Variants in GAB1 observed in about 807,000 individuals in gnomAD.
GAB1 encodes the protein GRB2 associated binding protein 1.
GAB1 carries 19 observed loss-of-function variants against 66.5 expected under a neutral mutation model. The ratio of observed to expected loss-of-function variants is 0.29; its 90% CI spans 0.20 to 0.42. GAB1 has a LOEUF of 0.42. Ranked by LOEUF, GAB1 falls within the 10% of genes least tolerant of loss-of-function variation. The pLI is 1.00. For missense variants in GAB1, 732 were observed against 858.5 expected (o/e 0.85, Z 1.84); for synonymous variants, 294 against 301.4 (o/e 0.98, Z 0.25).
In GAB1 at chr4:143,440,313, A is replaced by G. The variant is rs1269389517; in HGVS notation, c.1516A>G (p.Arg506Gly). 6.2e-6 allele frequency: 10 copies of G among 1,614,124 alleles called. No homozygotes were observed. Among genetic ancestry groups the G allele is most frequent in the Non-Finnish European group, 6.8e-6 (8 of 1,180,016 alleles). ...GFRSSPKTPPRRPVPVADCEP... is the reference protein window; with the variant it reads ...GFRSSPKTPPGRPVPVADCEP... ...CAGGTCCAGCCCAAAAACCCCTCCC[A>G]GAAGGCCAGTTCCTGTTGCAGACTG... is the stretch of plus-strand genomic sequence containing the variant. Residue 506 changes from arginine to glycine, a missense_variant, in exon 6 of 10, where the codon AGA becomes GGA. Around this residue, in one of 4 missense-constraint regions of GAB1, gnomAD observed 204 missense variants for 276.8 expected, o/e 0.74. Transcript: ENST00000262994.
intron 1 of GAB1, among the ~76,000 whole-genome samples, chr4:143,406,199 T>A (rs1732033280): frequency 6.6e-6 from 1 of 152,222 alleles, no homozygotes. Flanking sequence ...ATTTCAAATA[T>A]TTACTTACAG....
chr4:143,340,874 T>A (rs975668022), intron 1 of GAB1, among the ~76,000 whole-genome samples: 2 of 152,162 alleles, frequency 1.3e-5, no homozygotes, highest in African/African-American at 4.8e-5. Context: ...ACAGCTCCGT[T>A]TTATGTTTAC....
intron 7 of GAB1, among the ~76,000 whole-genome samples, chr4:143,459,933 G>A (rs1735396443): frequency 6.6e-6 from 1 of 152,090 alleles, no homozygotes; most frequent in Non-Finnish European, 1.5e-5. Context: ...CTCTTGTGGA[G>A]ATTATTTAAC....
Position 143,438,021 on chromosome 4 carries a change from T to C in GAB1, c.616T>C (p.Ser206Pro), listed in dbSNP as rs1435876485. Residue 206 changes from serine to proline, a missense_variant, in exon 4 of 10, where the codon TCC (serine) becomes CCC (proline). By Grantham distance (74) the Ser-to-Pro change is moderately conservative. Transcript: ENST00000262994. ...PTRTHADSAK[S>P]TSSETDCNDN... ...TAGAACGCATGCTGATTCTGCAAAA[T>C]CCACCTCTTCTGAAACAGACTGCAA... 1 of 1,612,784 alleles carries C rather than the reference T, an allele frequency of 6.2e-7. No individual in the cohort carries two copies. The highest frequency in any genetic ancestry group is 1.1e-5 in the South Asian group (1 of 90,952).
At chr4:143,390,410 T>A (rs1436640747) in intron 1 of GAB1, among the ~76,000 whole-genome samples, 1 of 150,894 alleles carries the variant, frequency 6.6e-6, no homozygotes, top group African/African-American at 2.4e-5. Context: ...ATAAGTAGGG[T>A]TTTTTTTGTT....
Position 143,433,498 on chromosome 4 carries a change from G to A in GAB1, c.375G>A (p.Val125=), listed in dbSNP as rs1264612164. Residue 125 remains valine (V), a synonymous_variant, in exon 3 of 10, where the codon GTG becomes GTA. Transcript: ENST00000262994. ...TAAACTTTGGTGTTGCAGATCCTGT[G>A]AAGCCACCTGGCAGCTCTTTACAAG... ...CGFNPTEEDP[V]KPPGSSLQAP... 3 of 1,613,460 alleles carry A rather than the reference G, an allele frequency of 1.9e-6. No homozygotes were observed. The highest frequency in any genetic ancestry group is 2.7e-5 in the African/African-American group (2 of 74,882).
chr4:143,440,632 CG>C (rs1734178250), intron 6 of GAB1, among the ~76,000 whole-genome samples: 1 of 152,120 alleles, frequency 6.6e-6, no homozygotes, highest in Admixed American at 6.6e-5. Flanking sequence ...GAAATACTCA[CG>C]GGGTGAGCGG....
chr4:143,366,778 T>C (rs998809133), intron 1 of GAB1, among the ~76,000 whole-genome samples: 12 of 152,072 alleles, frequency 7.9e-5, no homozygotes, highest in Admixed American at 1.3e-4. Flanking sequence ...GGCTAGAAAT[T>C]TTCAATTTGA....
chr4:143,374,691 C>T (rs1272774884), intron 1 of GAB1, among the ~76,000 whole-genome samples: 1 of 152,174 alleles, frequency 6.6e-6, no homozygotes, highest in Non-Finnish European at 1.5e-5. Context: ...TGCTGCCATA[C>T]AGTCTTGGCT....
chr4:143,386,098 C>T lies in GAB1; in HGVS notation c.73-29379C>T, dbSNP rs540173838. Among the ~76,000 whole-genome samples the T allele has an allele frequency of 9.5e-4, 144 of 152,216 alleles. 1 individual carries two copies. Among genetic ancestry groups the T allele is most frequent in the African/African-American group, 3.3e-3 (137 of 41,514 alleles). ...TCAAGACTGCAGTGAGCCATGATCA[C>T]GCCACTGCACTCCAGCCTGGGCAAC... is the stretch of plus-strand genomic sequence containing the variant. On this transcript the variant is annotated intron_variant, in intron 1 of 9. Transcript: ENST00000262994.
At chr4:143,432,694 T>A (rs779162857) in intron 2 of GAB1, among the ~76,000 whole-genome samples, 1 of 152,254 alleles carries the variant, frequency 6.6e-6, no homozygotes, top group Non-Finnish European at 1.5e-5. Context: ...GCATTTTTTC[T>A]GAGCCTTTAA....
At chr4:143,437,814 C>T (rs945237712) in intron 3 of GAB1, among the ~76,000 whole-genome samples, 185 bp from the exon 4 acceptor site, 7 of 151,854 alleles carry the variant, frequency 4.6e-5, no homozygotes, top group Non-Finnish European at 7.4e-5. Flanking sequence ...TTTGTGGTGG[C>T]GGTTTTGTTG....
intron 7 of GAB1, among the ~76,000 whole-genome samples, chr4:143,459,797 G>A (rs538746489): frequency 3.3e-5 from 5 of 152,064 alleles, no homozygotes; most frequent in African/African-American, 1.2e-4. Flanking sequence ...TCTCTAATAT[G>A]GCAAAATTAA....
intron 1 of GAB1, among the ~76,000 whole-genome samples, chr4:143,406,529 CAGA>C (rs1165260832): frequency 7.2e-4 from 110 of 152,362 alleles, no homozygotes; most frequent in African/African-American, 2.3e-3. Flanking sequence ...CTCCAACTAA[CAGA>C]GCCTTGGCCA....
intron 1 of GAB1, among the ~76,000 whole-genome samples, chr4:143,342,754 G>A (rs960096714): frequency 2.0e-5 from 3 of 151,506 alleles, no homozygotes; most frequent in Admixed American, 6.6e-5. Flanking sequence ...GTAGAGATGG[G>A]GTTTTGCCAT....
At chr4:143,376,680 C>T (rs994471812) in intron 1 of GAB1, 5 of 151,994 alleles carry the variant, frequency 3.3e-5, no homozygotes, top group Admixed American at 3.3e-4. Context: ...ACTAAGAAAT[C>T]TCACATAAAA....
chr4:143,413,650 A>G (rs1216316008), intron 1 of GAB1, among the ~76,000 whole-genome samples: 2 of 152,044 alleles, frequency 1.3e-5, no homozygotes, highest in Non-Finnish European at 2.9e-5. Flanking sequence ...CTGTAGTCTC[A>G]AGTATTTTCA....
Position 143,424,766 on chromosome 4 carries a change from C to T in GAB1, c.368-8725C>T. ...AGTCAGGAGATTGAGATCATCCTGG[C>T]CAACATGGTGAAACCCTGTCTCTAC... On this transcript the variant is annotated intron_variant, in intron 2 of 9. Transcript: ENST00000262994. 1.2e-5 allele frequency: 3 copies of T among 242,102 alleles called. No individual in the cohort carries two copies. The South Asian group carries it at 1.7e-4, about 14-fold the overall frequency. The allele number at this position is 242,102 out of a possible 1,614,324, so 15.0% of individuals were successfully genotyped here.
At chr4:143,400,944 G>A (rs1339872290) in intron 1 of GAB1, among the ~76,000 whole-genome samples, 1 of 150,226 alleles carries the variant, frequency 6.7e-6, no homozygotes, top group Non-Finnish European at 1.5e-5. Context: ...ACTCCAGCCT[G>A]GACAACAGAG....
Sources: allele counts gnomAD v4.1 joint callset (sites outside exome capture counted in the v4.1 genomes callset), GRCh38; gene constraint gnomAD v4.1.1; regional missense constraint gnomAD v4.1.1; transcripts MANE v1.5; gene names NCBI Gene and HGNC (gene_info 2026-07-23, HGNC 2026-07-21).